Variants in BBS4 observed in about 807,000 individuals in gnomAD.
BBS4 encodes the protein BBSome complex member BBS4.
BBS4 carries 58 observed loss-of-function variants against 71.4 expected under a neutral mutation model. The observed-to-expected ratio is 0.81, with a 90% CI of 0.66 to 1.01. BBS4 has a LOEUF of 1.01. Among genes scored for constraint, BBS4 ranks in the 50% least tolerant of loss-of-function variants. The probability of loss-of-function intolerance (pLI) is 0.00; values close to 1 mark genes in which losing one functional copy is unlikely to be tolerated. For missense variants in BBS4, 660 were observed against 607.9 expected (o/e 1.09, Z -0.90); for synonymous variants, 228 against 216.8 (o/e 1.05, Z -0.46).
At chr15:72,704,593 C>A in intron 2 of BBS4, 2 of 533,056 alleles carry the variant, frequency 3.8e-6, no homozygotes, top group Non-Finnish European at 3.1e-6. Flanking sequence ...AAAATAACAG[C>A]AACAGGCCCA....
intron 8 of BBS4, among the ~76,000 whole-genome samples, chr15:72,725,737 C>A (rs1172242207): frequency 1.2e-5 from 1 of 83,480 alleles, no homozygotes; most frequent in Non-Finnish European, 2.1e-5. Context: ...CTTTTCTCTT[C>A]CCCCTTTCCC....
At chr15:72,699,476 A>G (rs759217407) in intron 2 of BBS4, among the ~76,000 whole-genome samples, 1 of 152,262 alleles carries the variant, frequency 6.6e-6, no homozygotes, top group East Asian at 1.9e-4. Context: ...TTTAATTTCA[A>G]TGCTAGTAAA....
intron 2 of BBS4, 104 bp downstream of exon 2, chr15:72,695,332 G>T (rs1032779170): frequency 5.2e-6 from 4 of 768,424 alleles, no homozygotes; most frequent in African/African-American, 3.6e-5. Context: ...CTGTCACCCA[G>T]GCTGGAGTGC....
chr15:72,716,809 G>A lies in BBS4; in HGVS notation c.364G>A (p.Glu122Lys). ...FLLGKHKAAIEVYNEAAKLNQ... is the reference protein window; with the variant it reads ...FLLGKHKAAIKVYNEAAKLNQ... ...TTTGGGAAAACATAAAGCTGCCATT[G>A]AAGTATATAATGAAGCAGCTAAACT... The change falls in exon 6 of 16, where the codon GAA becomes AAA. Residue 122 changes from glutamate (E) to lysine (K), a missense_variant. Physicochemically the swap from Glu to Lys is moderately conservative, Grantham distance 56 (BLOSUM62 1). Transcript: ENST00000268057. The A allele has an allele frequency of 3.1e-6, 5 of 1,610,672 alleles. No homozygotes were observed. Among genetic ancestry groups the A allele is most frequent in the Non-Finnish European group, 3.4e-6 (4 of 1,178,510 alleles).
intron 13 of BBS4, 135 bp downstream of exon 13, chr15:72,735,317 G>C (rs1190314790): frequency 1.4e-6 from 1 of 717,976 alleles, no homozygotes; most frequent in South Asian, 1.5e-5. Flanking sequence ...GCAGACCTCA[G>C]TGTGGAGGGA....
At chr15:72,710,478 G>A (rs913728789) in intron 3 of BBS4, among the ~76,000 whole-genome samples, 3 of 152,058 alleles carry the variant, frequency 2.0e-5, no homozygotes, top group Admixed American at 6.5e-5. Context: ...GGGATTACAG[G>A]CGTGAGCCAC....
At chr15:72,719,071 T>C (rs2065517386) in intron 6 of BBS4, among the ~76,000 whole-genome samples, 1 of 151,774 alleles carries the variant, frequency 6.6e-6, no homozygotes, top group Non-Finnish European at 1.5e-5. Context: ...TTTACTTTTT[T>C]TTTGTCTGTT....
rs35004414 is a variant in BBS4, at chr15:72,731,065, C to CTTTTTTTT, written c.712-216_712-209dup. On this transcript the variant is annotated intron_variant, in intron 10 of 15. Transcript: ENST00000268057. ...ATGGGTAAAGCAAGTAACATTTTATCTTTTTTTTTTTTTTTTTTTTTTTTT... is the reference window on the plus strand; with the variant it reads ...ATGGGTAAAGCAAGTAACATTTTATCTTTTTTTTTTTTTTTTTTTTTTTTTTTTTTTTT... Among the ~76,000 whole-genome samples, 113 of 77,650 alleles carry CTTTTTTTT rather than the reference C, an allele frequency of 1.5e-3. 1 individual carries two copies. The highest frequency in any genetic ancestry group is 0.011 in the Middle Eastern group (1 of 90). 50.9% of individuals were successfully genotyped at this position (77,650 alleles called of 152,430 possible). A position where few individuals can be genotyped will look rare whatever the true frequency, so the allele number is the denominator to read the frequency against.
intron 10 of BBS4, among the ~76,000 whole-genome samples, 167 bp from the exon 11 acceptor site, chr15:72,731,138 C>G (rs1195502117): frequency 2.4e-5 from 3 of 127,106 alleles, no homozygotes; most frequent in African/African-American, 9.4e-5. Flanking sequence ...CAAGGACATT[C>G]CTCAGGAACA....
At chr15:72,727,541 G>C (rs927978981) in intron 8 of BBS4, among the ~76,000 whole-genome samples, 1 of 152,168 alleles carries the variant, frequency 6.6e-6, no homozygotes, top group Non-Finnish European at 1.5e-5. Flanking sequence ...GCCTGGCATT[G>C]TGAGCACAAT....
chr15:72,692,958 A>C (rs945804040), intron 1 of BBS4, among the ~76,000 whole-genome samples: 1 of 152,074 alleles, frequency 6.6e-6, no homozygotes, highest in African/African-American at 2.4e-5. Flanking sequence ...TTTTTTTAAA[A>C]AAACTGAATT....
chr15:72,707,619 A>G (rs773230274), intron 2 of BBS4, among the ~76,000 whole-genome samples: 2 of 152,204 alleles, frequency 1.3e-5, no homozygotes, highest in Non-Finnish European at 2.9e-5. Flanking sequence ...TTTTTGAGAA[A>G]TAGGCATTAA....
rs1380293042 is a variant in BBS4, at chr15:72,709,799, A to G, written c.156+20A>G. On this transcript the variant is annotated intron_variant, in intron 3 of 15. Transcript: ENST00000268057. Reference sequence around the variant, plus strand: ...TGCAAGGTAAGAGATTGCCATAATAATAAAAATGAGAGGCAGGATGTTGGG... The same window carrying G: ...TGCAAGGTAAGAGATTGCCATAATAGTAAAAATGAGAGGCAGGATGTTGGG... The G allele has an allele frequency of 2.5e-6, 4 of 1,601,340 alleles. No individual in the cohort carries two copies.
chr15:72,721,804 A>AT (rs1229658561), intron 6 of BBS4, among the ~76,000 whole-genome samples: 13 of 152,264 alleles, frequency 8.5e-5, no homozygotes, highest in East Asian at 3.9e-4. Flanking sequence ...TCCCAAGAGC[A>AT]TTTTCCTTAC....
At chr15:72,698,300 A>G (rs2065112473) in intron 2 of BBS4, among the ~76,000 whole-genome samples, 1 of 152,196 alleles carries the variant, frequency 6.6e-6, no homozygotes, top group African/African-American at 2.4e-5. Context: ...GTACATTTAC[A>G]AAGTTGTGCA....
intron 1 of BBS4, among the ~76,000 whole-genome samples, chr15:72,693,185 T>C (rs2065017619): frequency 6.6e-6 from 1 of 152,276 alleles, no homozygotes; most frequent in Admixed American, 6.5e-5. Context: ...GTTCTTAATG[T>C]ATTTTAATTA....
chr15:72,708,433 A>G (rs1429974295), intron 2 of BBS4, among the ~76,000 whole-genome samples: 1 of 152,142 alleles, frequency 6.6e-6, no homozygotes, highest in Non-Finnish European at 1.5e-5. Flanking sequence ...CCTGTCTTTA[A>G]TCTCTTAATC....
At chr15:72,708,282 A>C (rs1428314218) in intron 2 of BBS4, among the ~76,000 whole-genome samples, 1 of 152,120 alleles carries the variant, frequency 6.6e-6, no homozygotes, top group African/African-American at 2.4e-5. Flanking sequence ...GATATTAACT[A>C]TCTTATATGT....
At chr15:72,718,695 T>G (rs971286872) in intron 6 of BBS4, among the ~76,000 whole-genome samples, 1 of 152,170 alleles carries the variant, frequency 6.6e-6, no homozygotes, top group African/African-American at 2.4e-5. Flanking sequence ...AATGAGTATG[T>G]CTGCTATATG....
Sources: allele counts gnomAD v4.1 joint callset (sites outside exome capture counted in the v4.1 genomes callset), GRCh38; gene constraint gnomAD v4.1.1; transcripts MANE v1.5; gene names NCBI Gene and HGNC (gene_info 2026-07-23, HGNC 2026-07-21).